The following FRK variants were observed in gnomAD, a reference collection of about 807,000 sequenced individuals.
FRK encodes fyn related Src family tyrosine kinase.
A neutral mutation model predicts 56.4 loss-of-function variants in FRK; 51 were observed. That is an observed-to-expected ratio of 0.90 (90% CI 0.72 to 1.14). The LOEUF is 1.14. FRK is among the 50% of genes most tolerant of loss of function. The probability of loss-of-function intolerance (pLI) is 0.00; values close to 1 mark genes in which losing one functional copy is unlikely to be tolerated. For missense variants in FRK, 570 were observed against 601.4 expected (o/e 0.95, Z 0.55); for synonymous variants, 245 against 217.9 (o/e 1.12, Z -1.10).
At chr6:116,013,604 C>T (rs1239534072) in intron 1 of FRK, among the ~76,000 whole-genome samples, 1 of 152,050 alleles carries the variant, frequency 6.6e-6, no homozygotes, top group Non-Finnish European at 1.5e-5. Context: ...TCTTATGATG[C>T]CTAGGAAAAT....
chr6:115,973,625 T>A (rs1773888599), intron 2 of FRK, among the ~76,000 whole-genome samples: 1 of 151,978 alleles, frequency 6.6e-6, no homozygotes, highest in South Asian at 2.1e-4. Context: ...ATCCCAGCAC[T>A]TTGGGAGGCC....
chr6:115,974,622 A>T (rs777585637), intron 2 of FRK, among the ~76,000 whole-genome samples: 15 of 152,292 alleles, frequency 9.8e-5, no homozygotes, highest in Admixed American at 2.0e-4. Context: ...TAGGCTTTTT[A>T]AAAAAATCTC....
At chr6:116,085,442 T>C in the FRK span, among the ~76,000 whole-genome samples, 1 of 152,236 alleles carries the variant, frequency 6.6e-6, no homozygotes, top group East Asian at 1.9e-4. Flanking sequence ...ATATGTATTA[T>C]GCATAAATGA....
chr6:116,063,678 T>C (rs756471513), upstream of FRK, among the ~76,000 whole-genome samples: 1 of 152,138 alleles, frequency 6.6e-6, no homozygotes, highest in Non-Finnish European at 1.5e-5. Context: ...AGTCAATAAT[T>C]CTACACTGTA....
intron 2 of FRK, among the ~76,000 whole-genome samples, chr6:115,996,806 T>C (rs1006623428): frequency 1.3e-5 from 2 of 152,170 alleles, no homozygotes; most frequent in East Asian, 3.8e-4. Context: ...TTGAGATGCA[T>C]ATTTTTACCT....
At chr6:116,075,171 C>T in the FRK span, among the ~76,000 whole-genome samples, 1 of 152,156 alleles carries the variant, frequency 6.6e-6, no homozygotes, top group Non-Finnish European at 1.5e-5. Flanking sequence ...TCTTTCTCCA[C>T]TGTGAATCAT....
chr6:116,037,274 C>G (rs1776522498), intron 1 of FRK, among the ~76,000 whole-genome samples: 1 of 152,162 alleles, frequency 6.6e-6, no homozygotes, highest in Non-Finnish European at 1.5e-5. Context: ...CTTGGTTCCA[C>G]TGCCTGTACA....
rs547259853 is a variant in FRK, at chr6:115,938,159, C to T, written c.*4255G>A. On this transcript the variant is annotated 3_prime_UTR_variant, in exon 8 of 8. Coordinates refer to ENST00000606080, the MANE Select transcript of FRK (RefSeq NM_002031.3). ...ACCACAGTGCAATCAAATTAGAACT[C>T]AGGATTAAAACTGACAGAAAACCTA... is the stretch of plus-strand genomic sequence containing the variant. 6 of 152,278 alleles carry T rather than the reference C, an allele frequency of 3.9e-5. No homozygotes were observed. The East Asian group carries it at 1.2e-3, about 29-fold the overall frequency. 9.4% of individuals were successfully genotyped at this position (152,278 alleles called of 1,614,324 possible).
At chr6:115,984,610 G>C (rs1045445888) in intron 2 of FRK, among the ~76,000 whole-genome samples, 14 of 151,970 alleles carry the variant, frequency 9.2e-5, no homozygotes, top group Admixed American at 8.5e-4. Flanking sequence ...ACAGAAGTAA[G>C]TCCCAAGCAG....
At chr6:116,056,062 C>A (rs987319735) in intron 1 of FRK, among the ~76,000 whole-genome samples, 1 of 152,128 alleles carries the variant, frequency 6.6e-6, no homozygotes, top group Non-Finnish European at 1.5e-5. Flanking sequence ...ATTATGTCCA[C>A]CCCATTCCCC....
chr6:115,976,677 C>T (rs570240622), intron 2 of FRK, among the ~76,000 whole-genome samples: 5 of 152,258 alleles, frequency 3.3e-5, no homozygotes, highest in Admixed American at 2.0e-4. Context: ...ACTCACTCCC[C>T]TAATCTTATT....
intron 5 of FRK, among the ~76,000 whole-genome samples, chr6:115,953,090 T>C (rs554782015): frequency 1.4e-5 from 2 of 144,706 alleles, no homozygotes; most frequent in Non-Finnish European, 3.1e-5. Context: ...AAATAAAAAA[T>C]TTTTTAAAAA....
chr6:116,013,312 CT>C (rs1350704068), intron 1 of FRK, among the ~76,000 whole-genome samples: 2 of 152,010 alleles, frequency 1.3e-5, no homozygotes, highest in East Asian at 1.9e-4. Flanking sequence ...TCTCAGGGCA[CT>C]TTTTTTGTTT....
chr6:116,016,108 A>G (rs887667870), intron 1 of FRK, among the ~76,000 whole-genome samples: 1 of 152,190 alleles, frequency 6.6e-6, no homozygotes, highest in Middle Eastern at 3.2e-3. Context: ...AAGGCATGCC[A>G]GAGATCTTCA....
intron 5 of FRK, among the ~76,000 whole-genome samples, chr6:115,951,227 A>G (rs1185053904): frequency 6.6e-6 from 1 of 152,234 alleles, no homozygotes; most frequent in Non-Finnish European, 1.5e-5. Flanking sequence ...TAAAAGACTT[A>G]GAAATTGCCT....
chr6:116,068,131 C>T, the FRK span, among the ~76,000 whole-genome samples: 72 of 152,010 alleles, frequency 4.7e-4, no homozygotes, highest in Non-Finnish European at 8.4e-4. Flanking sequence ...GACAAGAATC[C>T]GTTAAAATGA....
intron 1 of FRK, among the ~76,000 whole-genome samples, chr6:116,054,721 A>C (rs2114824938): frequency 6.6e-6 from 1 of 151,766 alleles, no homozygotes; most frequent in Non-Finnish European, 1.5e-5. Context: ...ATGGGCATTT[A>C]GTCTTCCCTG....
the FRK span, among the ~76,000 whole-genome samples, chr6:116,067,354 A>C: frequency 6.6e-6 from 1 of 152,072 alleles, no homozygotes; most frequent in Non-Finnish European, 1.5e-5. Context: ...GAACTATTAC[A>C]GCATGTCACT....
chr6:116,045,616 A>C (rs1278364429), intron 1 of FRK, among the ~76,000 whole-genome samples: 2 of 152,232 alleles, frequency 1.3e-5, no homozygotes, highest in Non-Finnish European at 2.9e-5. Flanking sequence ...CGTAAGACCT[A>C]AAATCATAAA....
Sources: allele counts gnomAD v4.1 joint callset (sites outside exome capture counted in the v4.1 genomes callset), GRCh38; gene constraint gnomAD v4.1.1; transcripts MANE v1.5; gene names NCBI Gene and HGNC (gene_info 2026-07-23, HGNC 2026-07-21).